DTNA: variants seen among roughly 807,000 people sequenced by gnomAD.
The protein encoded by DTNA is dystrobrevin alpha.
DTNA carries 43 observed loss-of-function variants against 100.7 expected under a neutral mutation model. That is an observed-to-expected ratio of 0.43 (90% CI 0.33 to 0.55). DTNA has a LOEUF of 0.55. DTNA is among the 20% of genes least tolerant of loss of function. The pLI is 0.04. For missense variants in DTNA, 798 were observed against 953.9 expected (o/e 0.84, Z 2.15); for synonymous variants, 349 against 347.9 (o/e 1.00, Z -0.04).
intron 1 of DTNA, among the ~76,000 whole-genome samples, chr18:34,521,638 A>C (rs2042158463): frequency 6.6e-6 from 1 of 152,070 alleles, no homozygotes; most frequent in African/African-American, 2.4e-5. Context: ...TTCTCTGAAT[A>C]AGCCAAGCTT....
intron 1 of DTNA, among the ~76,000 whole-genome samples, chr18:34,623,356 T>C (rs1025236349): frequency 6.6e-6 from 1 of 152,250 alleles, no homozygotes; most frequent in Non-Finnish European, 1.5e-5. Flanking sequence ...TCATTCATAC[T>C]GTAGATTTTT....
intron 1 of DTNA, among the ~76,000 whole-genome samples, chr18:34,687,638 C>A (rs867499679): frequency 3.5e-4 from 53 of 152,290 alleles, no homozygotes; most frequent in African/African-American, 1.2e-3. Flanking sequence ...GTGGAGAGTT[C>A]TGCAGATGTC....
intron 1 of DTNA, among the ~76,000 whole-genome samples, chr18:34,524,027 C>A (rs1281898094): frequency 6.6e-6 from 1 of 152,026 alleles, no homozygotes; most frequent in Non-Finnish European, 1.5e-5. Flanking sequence ...CACTGTGTTG[C>A]CTAGTGTGTG....
intron 4 of DTNA, among the ~76,000 whole-genome samples, chr18:34,795,239 G>A (rs2094920804): frequency 6.6e-6 from 1 of 152,182 alleles, no homozygotes. Flanking sequence ...AGATGTTCCA[G>A]CCAGGCTAAT....
intron 13 of DTNA, among the ~76,000 whole-genome samples, chr18:34,840,315 T>A (rs2096244849): frequency 6.6e-6 from 1 of 152,182 alleles, no homozygotes; most frequent in Non-Finnish European, 1.5e-5. Context: ...ACAAAATTGC[T>A]TTATTCCCAA....
At chr18:34,663,620 G>A (rs1050022626) in intron 1 of DTNA, among the ~76,000 whole-genome samples, 1 of 152,066 alleles carries the variant, frequency 6.6e-6, no homozygotes, top group Non-Finnish European at 1.5e-5. Context: ...AGAACAATGG[G>A]CAGACAAACT....
chr18:34,844,709 A>T (rs1175822691), intron 13 of DTNA, among the ~76,000 whole-genome samples: 1 of 152,178 alleles, frequency 6.6e-6, no homozygotes, highest in Non-Finnish European at 1.5e-5. Context: ...TTGCATTTAT[A>T]TATGCTATAT....
In DTNA at chr18:34,567,476, T is replaced by C. The variant is rs527985999; in HGVS notation, c.-2+73962T>C. Among the ~76,000 whole-genome samples, 307 of 152,324 alleles carry C rather than the reference T, an allele frequency of 2.0e-3. 1 individual carries two copies. The highest frequency in any genetic ancestry group is 6.8e-3 in the African/African-American group (284 of 41,592). ...AAGGAAGTCATTTAAAATTTTGTTT[T>C]ATAAATACTTTGTGTTAGACTTAAT... On this transcript the variant is annotated intron_variant, in intron 1 of 19. Coordinates refer to the DTNA transcript ENST00000283365.
intron 1 of DTNA, among the ~76,000 whole-genome samples, chr18:34,656,173 T>C (rs1420627287): frequency 6.6e-6 from 1 of 152,226 alleles, no homozygotes; most frequent in African/African-American, 2.4e-5. Flanking sequence ...TATAAAGTTA[T>C]AGTTATAAGT....
intron 1 of DTNA, among the ~76,000 whole-genome samples, chr18:34,578,247 AT>A (rs2146588645): frequency 6.6e-6 from 1 of 151,914 alleles, no homozygotes; most frequent in Admixed American, 6.5e-5. Context: ...ATTTTTACAT[AT>A]GTTTGTTGGC....
intron 1 of DTNA, among the ~76,000 whole-genome samples, chr18:34,512,894 T>A (rs539290903): frequency 1.3e-5 from 2 of 152,192 alleles, no homozygotes; most frequent in African/African-American, 4.8e-5. Flanking sequence ...AAGTAACCAT[T>A]GCATTGTGGA....
At chr18:34,873,176 C>T (rs1035956659) in intron 17 of DTNA, among the ~76,000 whole-genome samples, 3 of 152,182 alleles carry the variant, frequency 2.0e-5, no homozygotes, top group Non-Finnish European at 4.4e-5. Context: ...GTGCTTTGTA[C>T]ATTGAATTAC....
chr18:34,732,394 G>A (rs1013519652), intron 1 of DTNA, among the ~76,000 whole-genome samples: 4 of 152,170 alleles, frequency 2.6e-5, no homozygotes, highest in Admixed American at 6.5e-5. Flanking sequence ...CCAAGACAGC[G>A]TGATCCAAAG....
At chr18:34,607,286 C>T (rs2053325862) in intron 1 of DTNA, among the ~76,000 whole-genome samples, 1 of 152,090 alleles carries the variant, frequency 6.6e-6, no homozygotes, top group African/African-American at 2.4e-5. Context: ...CTAAGAGTTT[C>T]AAGAAATGTA....
At chr18:34,790,090 CCT>C (rs570111352) in intron 3 of DTNA, among the ~76,000 whole-genome samples, 104 of 152,240 alleles carry the variant, frequency 6.8e-4, no homozygotes, top group Middle Eastern at 6.8e-3. Context: ...CTTAGAAAAC[CCT>C]GTTTCACTGT....
At chr18:34,793,526 C>T (rs2094839675) in intron 3 of DTNA, among the ~76,000 whole-genome samples, 1 of 152,104 alleles carries the variant, frequency 6.6e-6, no homozygotes, top group Admixed American at 6.5e-5. Context: ...CAACAGCATA[C>T]TACTAAAAAA....
At chr18:34,717,143 C>T (rs2084236882) in intron 1 of DTNA, among the ~76,000 whole-genome samples, 1 of 152,190 alleles carries the variant, frequency 6.6e-6, no homozygotes. Context: ...GCTGGAAATG[C>T]TCTATATCTT....
At chr18:34,831,712 G>A (rs1281159243) in intron 11 of DTNA, among the ~76,000 whole-genome samples, 6 of 152,296 alleles carry the variant, frequency 3.9e-5, no homozygotes, top group Middle Eastern at 6.8e-3. Flanking sequence ...AGGTTGTGGT[G>A]AGCCGAGATC....
In DTNA at chr18:34,890,759, A is replaced by C; in HGVS notation, c.*3025A>C. The stretch of plus-strand genomic sequence containing the variant: ...ATGGGTTCTTGAATGATCTACTATA[A>C]GGCAGGGAAGGTTCATTTGTAAGTA... On this transcript the variant is annotated 3_prime_UTR_variant, in exon 23 of 23. Transcript: ENST00000444659. The C allele has an allele frequency of 2.8e-6, 1 of 353,932 alleles. No homozygotes were observed. The highest frequency in any genetic ancestry group is 5.2e-6 in the Non-Finnish European group (1 of 191,278). 21.9% of individuals were successfully genotyped at this position (353,932 alleles called of 1,614,324 possible).
Sources: allele counts gnomAD v4.1 joint callset (sites outside exome capture counted in the v4.1 genomes callset), GRCh38; gene constraint gnomAD v4.1.1; transcripts MANE v1.5; gene names NCBI Gene and HGNC (gene_info 2026-07-23, HGNC 2026-07-21).